The following STRADB variants were observed in gnomAD, a reference collection of about 807,000 sequenced individuals.
The protein encoded by STRADB is STE20-related kinase adapter protein beta.
Under a neutral mutation model 52.1 loss-of-function variants are expected in STRADB, and 34 were observed. The observed-to-expected ratio is 0.65, with a 90% confidence interval of 0.50 to 0.87. The LOEUF is 0.87. Among genes scored for constraint, STRADB ranks in the 40% least tolerant of loss-of-function variants. The probability of loss-of-function intolerance (pLI) is 0.00; values close to 1 mark genes in which losing one functional copy is unlikely to be tolerated. For missense variants in STRADB, 340 were observed against 483.9 expected, an observed-to-expected ratio of 0.70 and a Z score of 2.79; for synonymous variants, 133 against 174.5, an observed-to-expected ratio of 0.76 and a Z score of 1.87.
At position 201,451,764 on chromosome 2, in the gene STRADB, G is replaced by T. The variant is rs1483019144; in HGVS notation, c.-270G>T. 2 of 151,968 alleles carry T rather than the reference G, an allele frequency of 1.3e-5. No homozygotes were observed. The highest frequency in any genetic ancestry group is 4.8e-5 in the African/African-American group (2 of 41,390). The allele number at this position is 151,968 out of a possible 1,614,324, so 9.4% of individuals were successfully genotyped here. A position where few individuals can be genotyped will look rare whatever the true frequency, so the allele number is the denominator to read the frequency against. ...CGTTCCCAGCGGGTAGCCTGGGACT[G>T]GTGCAGAGTTCCAAGCCCACGGCCC... On this transcript the variant is annotated 5_prime_UTR_variant, in exon 1 of 12. Coordinates refer to ENST00000194530, the MANE Select transcript of STRADB (RefSeq NM_018571.6).
intron 3 of STRADB, among the ~76,000 whole-genome samples, chr2:201,463,183 A>C (rs1219008224): frequency 1.3e-5 from 2 of 152,114 alleles, no homozygotes; most frequent in Non-Finnish European, 2.9e-5. Context: ...TAAAAATACA[A>C]AAAATTAGCT....
chr2:201,454,728 T>G lies in STRADB; in HGVS notation c.-95-18T>G. 9.8e-7 allele frequency: 1 copy of G among 1,024,692 alleles called. No individual in the cohort carries two copies. Among genetic ancestry groups the G allele is most frequent in the Non-Finnish European group, 1.4e-6 (1 of 708,422 alleles). 63.5% of individuals were successfully genotyped at this position (1,024,692 alleles called of 1,614,324 possible). Reference sequence around the variant, plus strand: ...ACTTTTATGTGAATCTAAATTATTTTGCTTTTGTTTTTTATAGTAGGATAT... The same window carrying G: ...ACTTTTATGTGAATCTAAATTATTTGGCTTTTGTTTTTTATAGTAGGATAT... On this transcript the variant is annotated intron_variant, in intron 1 of 11. Transcript: ENST00000194530.
At chr2:201,452,408 C>T (rs1302079017) in intron 1 of STRADB, among the ~76,000 whole-genome samples, 1 of 152,250 alleles carries the variant, frequency 6.6e-6, no homozygotes, top group Non-Finnish European at 1.5e-5. Flanking sequence ...AAATTAAATA[C>T]TCGAGTGTCG....
At chr2:201,460,724 C>T in intron 3 of STRADB, 1 of 248,782 alleles carries the variant, frequency 4.0e-6, no homozygotes, top group Non-Finnish European at 8.8e-6. Context: ...AATAGTATTC[C>T]ATTGTACATA....
intron 3 of STRADB, among the ~76,000 whole-genome samples, chr2:201,465,281 A>T (rs981294569): frequency 1.3e-5 from 2 of 152,178 alleles, no homozygotes; most frequent in Non-Finnish European, 2.9e-5. Context: ...GTTGATGTTT[A>T]TTCAAGGCGC....
Position 201,454,854 on chromosome 2 carries a change from T to G in STRADB, c.12+2T>G. On this transcript the variant is annotated splice_donor_variant, in intron 2 of 11. Transcript: ENST00000194530. LOFTEE classifies it high-confidence loss of function. ...TAAAGTGATTCAATGTCTCTTTTGG[T>G]AAGTTTTTGTAAATATAGATCTGAT... 6.2e-7 allele frequency: 1 copy of G among 1,608,180 alleles called. No homozygotes were observed. The highest frequency in any genetic ancestry group is 8.5e-7 in the Non-Finnish European group (1 of 1,177,464).
intron 5 of STRADB, 24 bp downstream of exon 5, chr2:201,473,100 C>A: frequency 6.2e-7 from 1 of 1,606,062 alleles, no homozygotes. Context: ...GAAAATGATA[C>A]ACAGTTGGGC....
chr2:201,465,928 C>T (rs186267547), intron 3 of STRADB, among the ~76,000 whole-genome samples: 3 of 152,226 alleles, frequency 2.0e-5, no homozygotes, highest in Admixed American at 2.0e-4. Context: ...ACTGCACTCT[C>T]CCTCCCCGGG....
At chr2:201,468,740 C>T (rs973854583) in intron 3 of STRADB, among the ~76,000 whole-genome samples, 3 of 152,168 alleles carry the variant, frequency 2.0e-5, no homozygotes, top group African/African-American at 4.8e-5. Flanking sequence ...TAGCTCATTA[C>T]ATCTCTAGCC....
chr2:201,468,240 T>C (rs1952336761), intron 3 of STRADB, among the ~76,000 whole-genome samples: 2 of 152,110 alleles, frequency 1.3e-5, no homozygotes, highest in African/African-American at 4.8e-5. Context: ...TTTTGCTTTC[T>C]ATCATCTAAC....
rs1302621605 is a variant in STRADB at position 201,480,414 on chromosome 2, G to A, written c.*239G>A. On this transcript the variant is annotated 3_prime_UTR_variant, in exon 12 of 12. Coordinates refer to ENST00000194530, the MANE Select transcript of STRADB (RefSeq NM_018571.6). ...TAATCTAGCTAGTGTCATTTATTCT[G>A]GAATTTTTTTCTAAGCTGTGACTAA... is the stretch of plus-strand genomic sequence containing the variant. 3 of 1,234,558 alleles carry A rather than the reference G, an allele frequency of 2.4e-6. No individual in the cohort carries two copies. Among genetic ancestry groups the A allele is most frequent in the Non-Finnish European group, 3.0e-6 (3 of 986,982 alleles). 76.5% of individuals were successfully genotyped at this position (1,234,558 alleles called of 1,614,324 possible).
chr2:201,475,554 T>A, intron 6 of STRADB, 65 bp from the exon 7 acceptor site: 1 of 1,603,344 alleles, frequency 6.2e-7, no homozygotes, highest in Non-Finnish European at 8.5e-7. Flanking sequence ...AAAAGAACAT[T>A]AAAATACAGC....
intron 3 of STRADB, among the ~76,000 whole-genome samples, chr2:201,462,947 T>G (rs535247779): frequency 6.6e-6 from 1 of 152,372 alleles, no homozygotes; most frequent in African/African-American, 2.4e-5. Flanking sequence ...TTAGCATTTC[T>G]TGTAGGAGAG....
chr2:201,469,486 G>C (rs1345513958), intron 3 of STRADB, among the ~76,000 whole-genome samples: 4 of 152,094 alleles, frequency 2.6e-5, no homozygotes, highest in African/African-American at 4.8e-5. Flanking sequence ...AACTTCATCA[G>C]CAATTTTAAT....
intron 2 of STRADB, among the ~76,000 whole-genome samples, chr2:201,455,917 G>T (rs1036992209): frequency 2.2e-4 from 33 of 152,196 alleles, no homozygotes; most frequent in Non-Finnish European, 1.2e-4. Flanking sequence ...GAACTATGAA[G>T]TTAGAAGACT....
intron 3 of STRADB, 81 bp from the exon 4 acceptor site, chr2:201,469,872 A>G (rs1320466051): frequency 1.9e-6 from 2 of 1,033,336 alleles, no homozygotes; most frequent in Non-Finnish European, 3.0e-6. Context: ...GTGTTTGAAA[A>G]TATAACACCA....
At chr2:201,453,450 A>G (rs1356091235) in intron 1 of STRADB, among the ~76,000 whole-genome samples, 1 of 152,116 alleles carries the variant, frequency 6.6e-6, no homozygotes, top group Non-Finnish European at 1.5e-5. Flanking sequence ...GACCCATGGT[A>G]ACCACTCATT....
At chr2:201,472,702 C>G (rs1952409434) in intron 4 of STRADB, among the ~76,000 whole-genome samples, 1 of 152,152 alleles carries the variant, frequency 6.6e-6, no homozygotes, top group Admixed American at 6.5e-5. Flanking sequence ...TTGCATTTCT[C>G]TATCTTGAGC....
At chr2:201,477,848 T>C (rs1952503589) in intron 8 of STRADB, 58 bp downstream of exon 8, 1 of 1,586,276 alleles carries the variant, frequency 6.3e-7, no homozygotes, top group Non-Finnish European at 8.6e-7. Flanking sequence ...TGAGTTTGGC[T>C]AAAGTACAGT....
Sources: allele counts gnomAD v4.1 joint callset (sites outside exome capture counted in the v4.1 genomes callset), GRCh38; gene constraint gnomAD v4.1.1; transcripts MANE v1.5; gene names NCBI Gene and HGNC (gene_info 2026-07-23, HGNC 2026-07-21).